Variants in HTR4 observed in about 807,000 individuals in gnomAD.
HTR4 encodes the protein 5-hydroxytryptamine (serotonin) receptor 4, G protein-coupled.
In HTR4, 16 loss-of-function variants were observed where a neutral mutation model predicts 36.8. The ratio of observed to expected loss-of-function variants is 0.43; its 90% CI spans 0.29 to 0.66. The LOEUF (loss-of-function observed/expected upper bound fraction) is 0.66, where lower values mean the gene tolerates loss of function less well. Ranked by LOEUF, HTR4 falls within the 30% of genes least tolerant of loss-of-function variation. HTR4 has a pLI of 0.13. For missense variants in HTR4, 438 were observed against 490.9 expected (o/e 0.89, Z 1.02); for synonymous variants, 189 against 185.1 (o/e 1.02, Z -0.17).
intron 6 of HTR4, among the ~76,000 whole-genome samples, chr5:148,497,681 G>A (rs1055347013): frequency 2.0e-5 from 3 of 152,142 alleles, no homozygotes; most frequent in Non-Finnish European, 4.4e-5. Context: ...TGGTGGGTGG[G>A]GAAAACACAG....
chr5:148,482,499 G>C lies in HTR4; in HGVS notation c.*704C>G. 2 of 985,630 alleles carry C rather than the reference G, an allele frequency of 2.0e-6. No homozygotes were observed. The highest frequency in any genetic ancestry group is 2.4e-6 in the Non-Finnish European group (2 of 830,110). 61.1% of individuals were successfully genotyped at this position (985,630 alleles called of 1,614,324 possible). ...CTGTGGAGACCATTTTCCTCTGACAGATCTCTGACCCTGTGTCTTCCATGG... is the reference window on the plus strand; with the variant it reads ...CTGTGGAGACCATTTTCCTCTGACACATCTCTGACCCTGTGTCTTCCATGG... On this transcript the variant is annotated 3_prime_UTR_variant, in exon 7 of 7. Coordinates refer to ENST00000377888, the MANE Select transcript of HTR4 (RefSeq NM_000870.7).
At chr5:148,616,785 C>T (rs1214811383) in intron 2 of HTR4, among the ~76,000 whole-genome samples, 1 of 151,926 alleles carries the variant, frequency 6.6e-6, no homozygotes, top group Non-Finnish European at 1.5e-5. Context: ...CTTCTATCAC[C>T]CATATAAAAA....
At chr5:148,562,057 C>T (rs1326188891) in intron 2 of HTR4, among the ~76,000 whole-genome samples, 2 of 152,168 alleles carry the variant, frequency 1.3e-5, no homozygotes, top group Non-Finnish European at 2.9e-5. Context: ...TGAAACAGCT[C>T]AATTTTATGC....
chr5:148,490,293 C>G (rs893490278), intron 6 of HTR4, among the ~76,000 whole-genome samples: 3 of 151,540 alleles, frequency 2.0e-5, no homozygotes, highest in Admixed American at 6.6e-5. Flanking sequence ...CTGTTTACCA[C>G]TAAGCATCTA....
intron 2 of HTR4, among the ~76,000 whole-genome samples, chr5:148,566,594 A>C (rs1436032347): frequency 6.6e-6 from 1 of 152,200 alleles, no homozygotes; most frequent in Non-Finnish European, 1.5e-5. Flanking sequence ...CAGCTTGAGG[A>C]GCTCACAGAA....
At chr5:148,463,155 CT>C (rs1175722648) in intron 5 of HTR4, among the ~76,000 whole-genome samples, 6 of 82,558 alleles carry the variant, frequency 7.3e-5, no homozygotes, top group Non-Finnish European at 1.4e-4. Flanking sequence ...CTTTTCATTT[CT>C]TTTTTTTTCT....
chr5:148,640,241 T>C lies in HTR4; in HGVS notation c.-47-3180A>G, dbSNP rs575788657. On this transcript the variant is annotated intron_variant, in intron 1 of 6. Transcript: ENST00000377888. The stretch of plus-strand genomic sequence containing the variant: ...ATCCACTATAATTTTCTGCTGTCCA[T>C]CCATCTATTTCATCTTTCTCTGAGA... 2.6e-5 allele frequency among the ~76,000 whole-genome samples: 4 copies of C among 152,344 alleles called. No individual in the cohort carries two copies. In the East Asian group the frequency reaches 7.7e-4, roughly 29 times the overall value.
intron 5 of HTR4, among the ~76,000 whole-genome samples, chr5:148,452,781 G>C (rs1755004714): frequency 6.6e-6 from 1 of 152,322 alleles, no homozygotes; most frequent in East Asian, 1.9e-4. Flanking sequence ...CTACTTGCCA[G>C]ATAGGTCAGT....
At chr5:148,454,029 CAT>C (rs1456588096) in intron 5 of HTR4, among the ~76,000 whole-genome samples, 3 of 152,230 alleles carry the variant, frequency 2.0e-5, no homozygotes, top group African/African-American at 7.2e-5. Context: ...CAGGCCCTGT[CAT>C]GTGTGGTTAT....
At position 148,548,827 on chromosome 5, in the gene HTR4, G is replaced by T. The variant is rs781466311; in HGVS notation, c.194C>A (p.Ala65Glu). 6.2e-7 allele frequency: 1 copy of T among 1,613,938 alleles called. No individual in the cohort carries two copies. ...CACCAGCACCGAAACCAGCAGATCCGCAAAAGCAAGAGATACAATGAAATA... is the reference window on the plus strand; with the variant it reads ...CACCAGCACCGAAACCAGCAGATCCTCAAAAGCAAGAGATACAATGAAATA... ...TNYFIVSLAF[A>E]DLLVSVLVMP... is the part of the protein sequence containing the mutation. Residue 65 changes from alanine (A) to glutamate (E), a missense_variant, in exon 4 of 7, where the codon GCG becomes GAG. Transcript: ENST00000377888.
intron 2 of HTR4, among the ~76,000 whole-genome samples, chr5:148,584,654 C>A (rs1486514847): frequency 6.6e-6 from 1 of 152,128 alleles, no homozygotes; most frequent in East Asian, 1.9e-4. Flanking sequence ...TGTTTGGGGG[C>A]ACCAATATGC....
At chr5:148,540,072 A>G (rs1169269922) in intron 4 of HTR4, among the ~76,000 whole-genome samples, 1 of 152,056 alleles carries the variant, frequency 6.6e-6, no homozygotes, top group Admixed American at 6.6e-5. Context: ...CTTTTGCAGG[A>G]ACATGGATGG....
At chr5:148,544,195 T>C (rs1759256466) in intron 4 of HTR4, among the ~76,000 whole-genome samples, 1 of 152,144 alleles carries the variant, frequency 6.6e-6, no homozygotes, top group Admixed American at 6.6e-5. Context: ...AATAACCACC[T>C]GTTAACGATT....
At chr5:148,489,522 A>G (rs1756316140) in intron 6 of HTR4, among the ~76,000 whole-genome samples, 1 of 152,204 alleles carries the variant, frequency 6.6e-6, no homozygotes, top group East Asian at 1.9e-4. Context: ...GTGGTAAGAT[A>G]GCCCAGAGAC....
chr5:148,567,783 T>C (rs1178485999), intron 2 of HTR4, among the ~76,000 whole-genome samples: 1 of 152,180 alleles, frequency 6.6e-6, no homozygotes, highest in Non-Finnish European at 1.5e-5. Context: ...CTGACTATTC[T>C]AATGAATGTA....
rs372675184 is a variant in HTR4 at position 148,457,017 on chromosome 5, C to T, written c.1077-5745G>A. On this transcript the variant is annotated intron_variant, in intron 5 of 5. Coordinates refer to the HTR4 transcript ENST00000521530. The stretch of plus-strand genomic sequence containing the variant: ...TCACAGAGCTAAGGAAACCTTAACC[C>T]TGTGATCAATTAAGGTCACTTAGAG... Among the ~76,000 whole-genome samples the T allele has an allele frequency of 2.6e-5, 4 of 152,194 alleles. No homozygotes were observed. In the East Asian group the frequency reaches 5.8e-4, roughly 22 times the overall value.
At chr5:148,650,608 A>G (rs1489077222) in intron 1 of HTR4, among the ~76,000 whole-genome samples, 1 of 152,158 alleles carries the variant, frequency 6.6e-6, no homozygotes, top group Non-Finnish European at 1.5e-5. Context: ...TTGACAAGAG[A>G]AGAAATTTTA....
chr5:148,616,482 T>TG (rs1303938505), intron 2 of HTR4, among the ~76,000 whole-genome samples: 1 of 152,198 alleles, frequency 6.6e-6, no homozygotes, highest in Admixed American at 6.5e-5. Flanking sequence ...TACAAGGGCA[T>TG]GTTCTATCTG....
chr5:148,644,094 A>G (rs570795160), intron 1 of HTR4, among the ~76,000 whole-genome samples: 2 of 152,292 alleles, frequency 1.3e-5, no homozygotes, highest in East Asian at 1.9e-4. Context: ...AGAATGGAGA[A>G]TCTACATTTT....
Sources: gnomAD v4.1 joint callset for allele counts (sites outside exome capture counted in the v4.1 genomes callset) on GRCh38, gnomAD v4.1.1 for gene constraint, MANE v1.5 for transcripts, NCBI Gene and HGNC (gene_info 2026-07-23, HGNC 2026-07-21) for gene names.